ZNF875: variants seen among roughly 807,000 people sequenced by gnomAD.
ZNF875 encodes the protein zinc finger protein 875.
ZNF875 carries 14 observed loss-of-function variants against 11.2 expected under a neutral mutation model. The observed-to-expected ratio is 1.26, with a 90% CI of 0.83 to 1.96. The LOEUF is 1.96. ZNF875 is among the 30% of genes most tolerant of loss of function. The pLI, the probability that ZNF875 is intolerant of heterozygous loss-of-function variation, is 0.00. For missense variants in ZNF875, 752 were observed against 760.4 expected, an observed-to-expected ratio of 0.99 and a Z score of 0.13; for synonymous variants, 301 against 281.1, an observed-to-expected ratio of 1.07 and a Z score of -0.71.
At chr19:37,323,814 A>C (rs969475100) in intron 3 of ZNF875, among the ~76,000 whole-genome samples, 16 of 152,178 alleles carry the variant, frequency 1.1e-4, no homozygotes, top group Admixed American at 8.5e-4. Flanking sequence ...CCACAAACTG[A>C]AGTGCCCATG....
At chr19:37,318,552 C>G (rs1281386339) in intron 1 of ZNF875, among the ~76,000 whole-genome samples, 1 of 149,492 alleles carries the variant, frequency 6.7e-6, no homozygotes, top group African/African-American at 2.5e-5. Flanking sequence ...GACAGAGTCT[C>G]GCTCTGTCGC....
At chr19:37,343,320 G>A (rs1362054299) in intron 2 of ZNF875, among the ~76,000 whole-genome samples, 2 of 150,868 alleles carry the variant, frequency 1.3e-5, no homozygotes, top group African/African-American at 4.9e-5. Flanking sequence ...TCCAGCCTAG[G>A]TGTCAGAGTG....
upstream of ZNF875, among the ~76,000 whole-genome samples, chr19:37,331,512 A>G (rs1341055420): frequency 2.0e-5 from 3 of 150,690 alleles, no homozygotes; most frequent in Non-Finnish European, 3.0e-5. Flanking sequence ...CTGTTAATCT[A>G]TAACCTTACC....
At chr19:37,318,336 A>C (rs189294853) in intron 1 of ZNF875, 1 of 152,244 alleles carries the variant, frequency 6.6e-6, no homozygotes, top group East Asian at 1.9e-4. Flanking sequence ...TTATGTTTAT[A>C]ATAAAGCACC....
intron 4 of ZNF875, among the ~76,000 whole-genome samples, chr19:37,353,537 C>A (rs2038328321): frequency 6.6e-6 from 1 of 152,174 alleles, no homozygotes; most frequent in African/African-American, 2.4e-5. Flanking sequence ...AATGTAGATA[C>A]AAGTTGCCAT....
chr19:37,352,917 G>A (rs937468808), intron 4 of ZNF875, among the ~76,000 whole-genome samples: 32 of 123,614 alleles, frequency 2.6e-4, no homozygotes, highest in African/African-American at 9.7e-4. Context: ...CTCTGTCACC[G>A]AGACTGGAGT....
chr19:37,323,915 G>A (rs1186078949), intron 3 of ZNF875, among the ~76,000 whole-genome samples: 6 of 152,138 alleles, frequency 3.9e-5, no homozygotes, highest in Non-Finnish European at 8.8e-5. Context: ...GGGCCCCAGT[G>A]GGTAAGCTCT....
intron 2 of ZNF875, among the ~76,000 whole-genome samples, chr19:37,343,886 G>C (rs1303377195): frequency 6.6e-6 from 1 of 152,148 alleles, no homozygotes; most frequent in African/African-American, 2.4e-5. Flanking sequence ...AATTTAGGCT[G>C]TTCTAAACAA....
At chr19:37,352,308 GACCAAAC>G (rs1169526537) in intron 4 of ZNF875, among the ~76,000 whole-genome samples, 5 of 151,798 alleles carry the variant, frequency 3.3e-5, no homozygotes, top group Admixed American at 2.6e-4. Context: ...GAGATGCCAC[GACCAAAC>G]ACCTCTTAAA....
upstream of ZNF875, among the ~76,000 whole-genome samples, chr19:37,330,572 AT>A (rs2033219402): frequency 6.6e-6 from 1 of 151,776 alleles, no homozygotes; most frequent in Admixed American, 6.6e-5. Context: ...ATTTCCTGTT[AT>A]TCTGTTGGTT....
chr19:37,351,915 G>A (rs1166546111), intron 4 of ZNF875, among the ~76,000 whole-genome samples: 1 of 152,174 alleles, frequency 6.6e-6, no homozygotes, highest in Non-Finnish European at 1.5e-5. Flanking sequence ...TCCTATAAAT[G>A]TCAGATAGGT....
chr19:37,357,824 A>T (rs2039171666), intron 4 of ZNF875: 1 of 394,814 alleles, frequency 2.5e-6, no homozygotes, highest in African/African-American at 2.1e-5. Context: ...TGGCGAACAG[A>T]GATAATTTGA....
chr19:37,341,245 C>T lies in ZNF875; in HGVS notation c.34-5945C>T, dbSNP rs75595829. ...CTGTATAATGAACAATCCTAAACAT[C>T]AATGGCTTAAAACAAAATCACTTAT... On this transcript the variant is annotated intron_variant, in intron 2 of 4. Transcript: ENST00000392153. Among the ~76,000 whole-genome samples the T allele has an allele frequency of 2.0e-5, 3 of 152,336 alleles. No individual in the cohort carries two copies. The East Asian group carries it at 5.8e-4, about 29-fold the overall frequency.
At chr19:37,331,070 C>G (rs1003959189), upstream of ZNF875, among the ~76,000 whole-genome samples, 1 of 151,562 alleles carries the variant, frequency 6.6e-6, no homozygotes, top group Admixed American at 6.6e-5. Context: ...GCCTGTAGTC[C>G]CAGCTACTCG....
intron 2 of ZNF875, among the ~76,000 whole-genome samples, chr19:37,340,441 C>T (rs1436865627): frequency 6.6e-6 from 1 of 152,136 alleles, no homozygotes; most frequent in East Asian, 1.9e-4. Flanking sequence ...CTTTGCCACC[C>T]ACTACATGTT....
rs767378675 is a variant in ZNF875 at position 37,363,271 on chromosome 19, G to A, written c.1419G>A (p.Thr473=). 9.9e-6 allele frequency: 16 copies of A among 1,612,358 alleles called. No individual in the cohort carries two copies. The highest frequency in any genetic ancestry group is 4.0e-5 in the African/African-American group (3 of 74,472). Residue 473 remains threonine, a synonymous_variant, in exon 5 of 5, where the codon ACG becomes ACA. Coordinates refer to ENST00000392153, the MANE Select transcript of ZNF875 (RefSeq NM_001353803.2). ...TTAACAAACACCAGAGGTCACACAC[G>A]GGGGAGAAGCCATTTGTATGTACGG... is the stretch of plus-strand genomic sequence containing the variant. ...SNLNKHQRSH[T]GEKPFVCTEC...
chr19:37,333,874 C>G (rs2033776079), upstream of ZNF875, among the ~76,000 whole-genome samples: 1 of 152,080 alleles, frequency 6.6e-6, no homozygotes, highest in South Asian at 2.1e-4. Flanking sequence ...CCCTGTTGAA[C>G]AAAACGGTCA....
At chr19:37,322,807 G>C (rs1298931377) in intron 2 of ZNF875, among the ~76,000 whole-genome samples, 1 of 152,126 alleles carries the variant, frequency 6.6e-6, no homozygotes, top group Non-Finnish European at 1.5e-5. Flanking sequence ...CATATTTTCA[G>C]CCTCTTCCTC....
chr19:37,312,845 C>T (rs2030023275), exon 1 of ZNF875: 2 of 151,592 alleles, frequency 1.3e-5, no homozygotes, highest in African/African-American at 4.9e-5. Context: ...GCAGGTCCCG[C>T]CTCCGCCAGC....
Sources: gnomAD v4.1 joint callset for allele counts (sites outside exome capture counted in the v4.1 genomes callset) on GRCh38, gnomAD v4.1.1 for gene constraint, MANE v1.5 for transcripts, NCBI Gene and HGNC (gene_info 2026-07-23, HGNC 2026-07-21) for gene names.